The following SPATA6L variants were observed in gnomAD, a reference collection of about 807,000 sequenced individuals.
SPATA6L encodes spermatogenesis associated 6 like.
A neutral mutation model predicts 49.2 loss-of-function variants in SPATA6L; 68 were observed. That is an observed-to-expected ratio of 1.38 (90% CI 1.14 to 1.69). The LOEUF is 1.69. Ranked by LOEUF, SPATA6L falls within the 40% of genes most tolerant of loss-of-function variation. The probability of loss-of-function intolerance (pLI) is 0.00; values close to 1 mark genes in which losing one functional copy is unlikely to be tolerated. For synonymous variants in SPATA6L, 198 were observed against 165.7 expected (o/e 1.19, Z -1.50); for missense variants, 668 against 464.3 (o/e 1.44, Z -4.03).
chr9:4,639,880 C>G (rs1833659825), intron 3 of SPATA6L, among the ~76,000 whole-genome samples: 1 of 152,188 alleles, frequency 6.6e-6, no homozygotes, highest in Non-Finnish European at 1.5e-5. Context: ...TCCCTCTTTA[C>G]AGATAAGGAA....
intron 1 of SPATA6L, chr9:4,663,357 A>T: frequency 7.8e-7 from 1 of 1,287,104 alleles, no homozygotes; most frequent in Non-Finnish European, 1.1e-6. Context: ...TGTCCCTCTT[A>T]GGCATTTCAG....
At chr9:4,620,461 C>G (rs1387915705) in intron 7 of SPATA6L, among the ~76,000 whole-genome samples, 1 of 152,208 alleles carries the variant, frequency 6.6e-6, no homozygotes, top group African/African-American at 2.4e-5. Flanking sequence ...ATCCTAAGCT[C>G]CACCCCAGCC....
intron 3 of SPATA6L, among the ~76,000 whole-genome samples, chr9:4,654,055 A>G (rs1837531384): frequency 1.3e-5 from 2 of 152,226 alleles, no homozygotes; most frequent in African/African-American, 4.8e-5. Context: ...AATGTGTTCA[A>G]TATCATTAGC....
intron 4 of SPATA6L, among the ~76,000 whole-genome samples, chr9:4,630,316 T>G (rs1831266102): frequency 6.6e-6 from 1 of 152,192 alleles, no homozygotes; most frequent in Non-Finnish European, 1.5e-5. Flanking sequence ...AAAATACAAC[T>G]GCTTTCCCCA....
At chr9:4,604,724 G>A (rs1435885455) in intron 10 of SPATA6L, among the ~76,000 whole-genome samples, 3 of 152,104 alleles carry the variant, frequency 2.0e-5, no homozygotes, top group East Asian at 1.9e-4. Context: ...AAGTCAAGAG[G>A]ACTAATTCAA....
chr9:4,652,494 A>G (rs984997243), intron 3 of SPATA6L, among the ~76,000 whole-genome samples: 3 of 152,244 alleles, frequency 2.0e-5, no homozygotes, highest in African/African-American at 4.8e-5. Context: ...CAGAGTACTT[A>G]GGAATAAATT....
intron 3 of SPATA6L, among the ~76,000 whole-genome samples, chr9:4,654,380 G>T (rs563771436): frequency 6.6e-6 from 1 of 152,298 alleles, no homozygotes; most frequent in East Asian, 1.9e-4. Context: ...GCAGACAGAC[G>T]GGGGCAGGCT....
intron 3 of SPATA6L, among the ~76,000 whole-genome samples, chr9:4,642,862 G>A (rs532793462): frequency 1.3e-5 from 2 of 151,902 alleles, no homozygotes; most frequent in Admixed American, 6.6e-5. Context: ...GTAATCAAAG[G>A]ACAGTGACAG....
intron 9 of SPATA6L, among the ~76,000 whole-genome samples, chr9:4,616,334 C>T (rs1457604161): frequency 1.3e-5 from 2 of 152,164 alleles, no homozygotes; most frequent in Non-Finnish European, 2.9e-5. Context: ...TGTGAAATCA[C>T]CCAGCACTTA....
chr9:4,601,590 C>T (rs1441510797), intron 11 of SPATA6L, among the ~76,000 whole-genome samples: 1 of 152,148 alleles, frequency 6.6e-6, no homozygotes, highest in South Asian at 2.1e-4. Context: ...AATCCCTGAC[C>T]TTTTTGTGGT....
At chr9:4,629,559 G>C (rs940334311) in intron 4 of SPATA6L, among the ~76,000 whole-genome samples, 2 of 151,768 alleles carry the variant, frequency 1.3e-5, no homozygotes, top group African/African-American at 4.8e-5. Flanking sequence ...CCATGGAATT[G>C]AATGAGATTA....
At chr9:4,614,236 C>A in intron 9 of SPATA6L, among the ~76,000 whole-genome samples, 1 of 152,132 alleles carries the variant, frequency 6.6e-6, no homozygotes, top group Non-Finnish European at 1.5e-5. Context: ...CAGTGTTTCT[C>A]CCTCCTTTAG....
intron 13 of SPATA6L, among the ~76,000 whole-genome samples, chr9:4,591,893 G>T (rs1768209921): frequency 6.6e-6 from 1 of 152,168 alleles, no homozygotes; most frequent in African/African-American, 2.4e-5. Flanking sequence ...TCCTAGAGAT[G>T]ACACTCTAAG....
At position 4,598,752 on chromosome 9, in the gene SPATA6L, G is replaced by A. The variant is rs757279883; in HGVS notation, c.*2059C>T. Among the ~76,000 whole-genome samples the A allele has an allele frequency of 2.0e-5, 3 of 152,160 alleles. No homozygotes were observed. The highest frequency in any genetic ancestry group is 4.4e-5 in the Non-Finnish European group (3 of 68,032). ...GCAGCCCTCTCCTGAGACTTATAGC[G>A]TAACCTTAATGTAACACAATATTTT... On this transcript the variant is annotated 3_prime_UTR_variant, in exon 12 of 12. Transcript: ENST00000682582.
chr9:4,607,390 G>C (rs1825550147), intron 9 of SPATA6L, among the ~76,000 whole-genome samples: 1 of 152,080 alleles, frequency 6.6e-6, no homozygotes, highest in Admixed American at 6.5e-5. Context: ...AGGGCAGCCA[G>C]AGAGAAAGGT....
downstream of SPATA6L, among the ~76,000 whole-genome samples, chr9:4,596,078 A>G (rs773685525): frequency 3.3e-5 from 5 of 152,222 alleles, no homozygotes; most frequent in Non-Finnish European, 7.3e-5. Flanking sequence ...GCCTGGTCCT[A>G]AAGACATCCG....
intron 7 of SPATA6L, among the ~76,000 whole-genome samples, chr9:4,619,317 C>T (rs957889110): frequency 2.0e-5 from 3 of 151,772 alleles, no homozygotes; most frequent in Non-Finnish European, 2.9e-5. Flanking sequence ...CCACCATGCC[C>T]GGCCAATTTT....
At chr9:4,619,814 C>G (rs73387249) in intron 7 of SPATA6L, among the ~76,000 whole-genome samples, 2 of 151,860 alleles carry the variant, frequency 1.3e-5, no homozygotes, top group East Asian at 1.9e-4. Context: ...GACCTAATGC[C>G]GAAGTATGGC....
In SPATA6L at chr9:4,665,645, C is replaced by G. The variant is rs529950078; in HGVS notation, c.39+567G>C. Among the ~76,000 whole-genome samples, 7 of 152,318 alleles carry G rather than the reference C, an allele frequency of 4.6e-5. No individual in the cohort carries two copies. In the East Asian group the frequency reaches 1.3e-3, roughly 29 times the overall value. ...TGGAAACTGAAATAAGAGGGAGTGA[C>G]AGACCCCCAAGTAGAAACCATGGAG... On this transcript the variant is annotated intron_variant, in intron 1 of 11. Transcript: ENST00000682582.
Sources: gnomAD v4.1 joint callset for allele counts (sites outside exome capture counted in the v4.1 genomes callset) on GRCh38, gnomAD v4.1.1 for gene constraint, MANE v1.5 for transcripts, NCBI Gene and HGNC (gene_info 2026-07-23, HGNC 2026-07-21) for gene names.